SEC23B: variants seen among roughly 807,000 people sequenced by gnomAD.
The protein encoded by SEC23B is protein transport protein Sec23B.
A neutral mutation model predicts 104.3 loss-of-function variants in SEC23B; 77 were observed. The ratio of observed to expected loss-of-function variants is 0.74; its 90% CI spans 0.61 to 0.89. The LOEUF (loss-of-function observed/expected upper bound fraction) is 0.89, where lower values mean the gene tolerates loss of function less well. SEC23B is among the 40% of genes least tolerant of loss of function. The pLI is 0.00. For synonymous variants in SEC23B, 338 were observed against 332.5 expected, an observed-to-expected ratio of 1.02 and a Z score of -0.18; for missense variants, 885 against 949.4, an observed-to-expected ratio of 0.93 and a Z score of 0.89.
intron 4 of SEC23B, among the ~76,000 whole-genome samples, chr20:18,517,384 A>C (rs2060039318): frequency 6.6e-6 from 1 of 152,210 alleles, no homozygotes; most frequent in South Asian, 2.1e-4. Flanking sequence ...GAGATTACAA[A>C]GTACATTGAT....
upstream of SEC23B, chr20:18,507,805 C>T (rs1318255164): frequency 6.6e-6 from 1 of 152,358 alleles, no homozygotes; most frequent in Non-Finnish European, 1.5e-5. Flanking sequence ...TTCTCTGAGT[C>T]TCTCGCTTCC....
intron 14 of SEC23B, among the ~76,000 whole-genome samples, chr20:18,545,585 T>C (rs889910619): frequency 1.3e-5 from 2 of 152,172 alleles, no homozygotes; most frequent in East Asian, 1.9e-4. Context: ...TGAGTTTTAG[T>C]GTGAGAGAAC....
intron 19 of SEC23B, among the ~76,000 whole-genome samples, chr20:18,559,321 C>A (rs1036508703): frequency 3.9e-5 from 6 of 152,172 alleles, no homozygotes; most frequent in Admixed American, 3.9e-4. Context: ...CCCCAGTAGG[C>A]AGGCGGAGGG....
At chr20:18,510,697 T>C in intron 1 of SEC23B, 125 bp from the exon 2 acceptor site, 1 of 738,300 alleles carries the variant, frequency 1.4e-6, no homozygotes, top group South Asian at 1.6e-5. Context: ...ACCCGGGAGG[T>C]GGAGGCTGCA....
rs1213738711 is a variant in SEC23B at position 18,525,039 on chromosome 20, G to A, written c.689+19G>A. On this transcript the variant is annotated intron_variant, in intron 6 of 19. Coordinates refer to ENST00000650089, the MANE Select transcript of SEC23B (RefSeq NM_006363.6). ...CAAGCAGGTGAGAGCCCAACATGGAGTGTTACACGTATTGTGATGGACATG... is the reference window on the plus strand; with the variant it reads ...CAAGCAGGTGAGAGCCCAACATGGAATGTTACACGTATTGTGATGGACATG... 2.6e-5 allele frequency: 42 copies of A among 1,605,466 alleles called. No individual in the cohort carries two copies. The highest frequency in any genetic ancestry group is 3.5e-5 in the Non-Finnish European group (41 of 1,172,228).
Position 18,555,193 on chromosome 20 carries a change from T to G in SEC23B, c.2214+20T>G. On this transcript the variant is annotated intron_variant, in intron 19 of 19. Transcript: ENST00000650089. ...GGACAGGTAAGAAATCTTCAGGTAT[T>G]TGGGGAGGATGCTAAGCTAGTTTTT... is the stretch of plus-strand genomic sequence containing the variant. 6.3e-7 allele frequency: 1 copy of G among 1,591,368 alleles called. No individual in the cohort carries two copies.
rs186255668 is a variant in SEC23B, at chr20:18,521,898, G to C, written c.367-2535G>C. Among the ~76,000 whole-genome samples the C allele has an allele frequency of 4.0e-3, 616 of 152,198 alleles. 1 individual carries two copies. The highest frequency in any genetic ancestry group is 0.014 in the Middle Eastern group (4 of 294). ...ACCTCAGACCATTTGCCCATTTTAC[G>C]ACAAGGATTATTTAGATCTTGTAGG... On this transcript the variant is annotated intron_variant, in intron 4 of 19. Coordinates refer to ENST00000650089, the MANE Select transcript of SEC23B (RefSeq NM_006363.6).
chr20:18,508,492 G>T (rs1568594003), intron 1 of SEC23B, among the ~76,000 whole-genome samples: 3 of 151,956 alleles, frequency 2.0e-5, no homozygotes, highest in South Asian at 2.1e-4. Context: ...TACCTTCCCC[G>T]ATACTTTGGT....
At chr20:18,527,837 T>C (rs1312927244) in intron 9 of SEC23B, among the ~76,000 whole-genome samples, 1 of 152,306 alleles carries the variant, frequency 6.6e-6, no homozygotes, top group East Asian at 1.9e-4. Context: ...TCAGAGTAAC[T>C]TATTTCTTCC....
At chr20:18,525,641 G>T (rs1600242320) in intron 6 of SEC23B, 147 bp from the exon 7 acceptor site, 1 of 306,436 alleles carries the variant, frequency 3.3e-6, no homozygotes. Flanking sequence ...TTTTGTGTTA[G>T]TAGAGAGATA....
intron 8 of SEC23B, 87 bp downstream of exon 8, chr20:18,526,618 C>A: frequency 7.2e-7 from 1 of 1,381,074 alleles, no homozygotes; most frequent in African/African-American, 1.4e-5. Context: ...TTGCCAAGGT[C>A]ATGTGTCATG....
chr20:18,545,892 A>G (rs533299200), intron 14 of SEC23B, 64 bp from the exon 15 acceptor site: 4 of 960,424 alleles, frequency 4.2e-6, no homozygotes, highest in Admixed American at 3.4e-5. Flanking sequence ...AGGTAATGCT[A>G]ACTTAGATTT....
intron 12 of SEC23B, among the ~76,000 whole-genome samples, chr20:18,541,372 C>T (rs1158307243): frequency 2.0e-5 from 3 of 152,256 alleles, no homozygotes; most frequent in Admixed American, 6.5e-5. Flanking sequence ...TTTTTCTTTG[C>T]ATTCACAGCT....
intron 14 of SEC23B, among the ~76,000 whole-genome samples, chr20:18,544,955 A>G (rs2060319420): frequency 6.6e-6 from 1 of 152,232 alleles, no homozygotes; most frequent in Admixed American, 6.5e-5. Context: ...TTGAGGTAGA[A>G]GATGGGAAAG....
At chr20:18,552,843 A>G (rs1436870459) in intron 17 of SEC23B, among the ~76,000 whole-genome samples, 1 of 152,102 alleles carries the variant, frequency 6.6e-6, no homozygotes, top group Admixed American at 6.5e-5. Context: ...ACAGCACAAG[A>G]ACGATTTATA....
At chr20:18,537,828 T>C (rs2060250514) in intron 12 of SEC23B, among the ~76,000 whole-genome samples, 1 of 152,212 alleles carries the variant, frequency 6.6e-6, no homozygotes, top group Non-Finnish European at 1.5e-5. Context: ...TCTGATCCTT[T>C]AGTGAGTCAT....
intron 4 of SEC23B, chr20:18,515,972 T>C (rs2060021037): frequency 6.0e-6 from 3 of 499,694 alleles, no homozygotes; most frequent in Non-Finnish European, 1.1e-5. Context: ...TCTGTAGCCT[T>C]CTTCATCTCA....
At position 18,529,175 on chromosome 20, in the gene SEC23B, G is replaced by A. The variant is rs371797288; in HGVS notation, c.1110-1505G>A. Among the ~76,000 whole-genome samples, 48 of 152,358 alleles carry A rather than the reference G, an allele frequency of 3.2e-4. No individual in the cohort carries two copies. In the South Asian group the frequency reaches 9.9e-3, roughly 32 times the overall value. Reference sequence around the variant, plus strand: ...AAGCTGAAGACACATGGGGGTGTGAGAACTGTATTCAGCAGTTGAGGGACT... The same window carrying A: ...AAGCTGAAGACACATGGGGGTGTGAAAACTGTATTCAGCAGTTGAGGGACT... On this transcript the variant is annotated intron_variant, in intron 9 of 19. Coordinates refer to ENST00000650089, the MANE Select transcript of SEC23B (RefSeq NM_006363.6).
intron 2 of SEC23B, 40 bp downstream of exon 2, chr20:18,511,096 A>G (rs1208530286): frequency 1.7e-5 from 25 of 1,457,640 alleles, no homozygotes; most frequent in Non-Finnish European, 2.3e-5. Flanking sequence ...GATAAATACA[A>G]TATATTATGA....
Sources: allele counts gnomAD v4.1 joint callset (sites outside exome capture counted in the v4.1 genomes callset), GRCh38; gene constraint gnomAD v4.1.1; transcripts MANE v1.5; gene names NCBI Gene and HGNC (gene_info 2026-07-23, HGNC 2026-07-21).